The following SNRPN variants were observed in gnomAD, a reference collection of about 807,000 sequenced individuals.
SNRPN encodes the protein small nuclear ribonucleoprotein polypeptide N, also known as small nuclear ribonucleoprotein-associated protein N.
In SNRPN, 7 loss-of-function variants were observed where a neutral mutation model predicts 25.2. That is an observed-to-expected ratio of 0.28 (90% CI 0.16 to 0.52). SNRPN has a LOEUF of 0.52. Among genes scored for constraint, SNRPN ranks in the 20% least tolerant of loss-of-function variants. The probability of loss-of-function intolerance (pLI) is 0.96; values close to 1 mark genes in which losing one functional copy is unlikely to be tolerated. For missense variants in SNRPN, 196 were observed against 322.5 expected (o/e 0.61, Z 3.00); for synonymous variants, 124 against 110.6 (o/e 1.12, Z -0.76).
At chr15:24,972,178 C>T (rs1166327441) in intron 3 of SNRPN, among the ~76,000 whole-genome samples, 41 of 151,680 alleles carry the variant, frequency 2.7e-4, no homozygotes, top group Non-Finnish European at 1.2e-4. Flanking sequence ...ACCACTTGAA[C>T]CCGGGAAGTG....
At chr15:24,856,979 C>T (rs57935503) in intron 1 of SNRPN, among the ~76,000 whole-genome samples, 2,465 of 152,184 alleles carry the variant, frequency 0.016, 52 homozygotes, top group African/African-American at 0.048. Context: ...TTAGGAAAAG[C>T]AGATGTCACG....
chr15:24,916,656 A>T lies in SNRPN; in HGVS notation c.-504-3355A>T, dbSNP rs144982839. ...TGTGTACATGGATTATAGGTAGATC[A>T]TATAATGGTAACAGTATTAAATTAG... is the stretch of plus-strand genomic sequence containing the variant. On this transcript the variant is annotated intron_variant, in intron 2 of 11. Transcript: ENST00000400097. Among the ~76,000 whole-genome samples, 7 of 152,354 alleles carry T rather than the reference A, an allele frequency of 4.6e-5. No homozygotes were observed. In the East Asian group the frequency reaches 1.4e-3, roughly 29 times the overall value.
At chr15:24,877,673 CACACACACACACACACACACACAA>C (rs1324421178) in intron 1 of SNRPN, among the ~76,000 whole-genome samples, 5 of 147,666 alleles carry the variant, frequency 3.4e-5, no homozygotes, top group Non-Finnish European at 7.6e-5. Flanking sequence ...CACACACACA[CACACACACACACACACACACACAA>C]ACACACTAGC....
At chr15:24,887,466 T>C (rs1361042162) in intron 2 of SNRPN, among the ~76,000 whole-genome samples, 1 of 150,952 alleles carries the variant, frequency 6.6e-6, no homozygotes, top group African/African-American at 2.4e-5. Context: ...GTCTTAATGC[T>C]GAGTTGAACT....
At chr15:24,943,580 G>A (rs983282031) in intron 3 of SNRPN, among the ~76,000 whole-genome samples, 4 of 152,082 alleles carry the variant, frequency 2.6e-5, no homozygotes, top group African/African-American at 9.7e-5. Flanking sequence ...AGTTCATGAA[G>A]GGCAGCTTAG....
intron 2 of SNRPN, among the ~76,000 whole-genome samples, chr15:24,845,895 C>T (rs2052154217): frequency 6.6e-6 from 1 of 151,660 alleles, no homozygotes; most frequent in Admixed American, 6.6e-5. Flanking sequence ...CCAGCCTGAC[C>T]AAGGCATGGT....
chr15:24,835,106 ACTATATAT>A (rs1189825096), intron 2 of SNRPN, among the ~76,000 whole-genome samples: 1,255 of 20,660 alleles, frequency 0.061, 240 homozygotes, highest in African/African-American at 0.19. Context: ...AGATATATAT[ACTATATAT>A]CTATATATAA....
rs1555404319 is a variant in SNRPN, at chr15:24,956,354, C to CGGGCG, written c.-391+1295_-391+1296insCGGGG. 5.1e-5 allele frequency among the ~76,000 whole-genome samples: 7 copies of CGGGCG among 138,158 alleles called. 1 individual carries two copies. The highest frequency in any genetic ancestry group is 2.5e-4 in the East Asian group (1 of 4,062). 90.6% of individuals were successfully genotyped at this position (138,158 alleles called of 152,430 possible). On this transcript the variant is annotated intron_variant, in intron 1 of 9. Coordinates refer to ENST00000390687, the MANE Select transcript of SNRPN (RefSeq NM_003097.6). Reference sequence around the variant, plus strand: ...GCTTAGATCTGCGCAAGCGCTTCAGCGGGGGGGTGGCCGCTTCCTCCCTGT... The same window carrying CGGGCG: ...GCTTAGATCTGCGCAAGCGCTTCAGCGGGCGGGGGGGGTGGCCGCTTCCTCCCTGT...
chr15:24,918,420 G>GTA (rs58843364), intron 2 of SNRPN, among the ~76,000 whole-genome samples: 1,949 of 32,936 alleles, frequency 0.059, 185 homozygotes, highest in East Asian at 0.079. Flanking sequence ...ATATATATGT[G>GTA]TATATATAAC....
Position 24,918,446 on chromosome 15 carries a change from A to G in SNRPN, c.-504-1565A>G, listed in dbSNP as rs375023971. 2.1e-3 allele frequency among the ~76,000 whole-genome samples: 231 copies of G among 110,154 alleles called. 3 individuals carry two copies. The highest frequency in any genetic ancestry group is 3.4e-3 in the East Asian group (10 of 2,950). The allele number at this position is 110,154 out of a possible 152,430, so 72.3% of individuals were successfully genotyped here. On this transcript the variant is annotated intron_variant, in intron 2 of 11. Transcript: ENST00000400097. ...TATATATAACATAATATATATGTGT[A>G]TATATATAACATAATATATATGTGT...
At chr15:24,840,129 G>A (rs770154091) in intron 2 of SNRPN, among the ~76,000 whole-genome samples, 15 of 152,114 alleles carry the variant, frequency 9.9e-5, no homozygotes, top group Admixed American at 2.0e-4. Context: ...AGGCCAAGGC[G>A]GGTGGATCAC....
At chr15:24,951,098 T>G (rs931574503), upstream of SNRPN, among the ~76,000 whole-genome samples, 3 of 152,100 alleles carry the variant, frequency 2.0e-5, no homozygotes, top group African/African-American at 7.2e-5. Flanking sequence ...TGATCTCAGG[T>G]GATCCACCTG....
At chr15:24,966,522 G>T (rs2075663386) in intron 2 of SNRPN, among the ~76,000 whole-genome samples, 2 of 151,982 alleles carry the variant, frequency 1.3e-5, no homozygotes, top group Admixed American at 6.6e-5. Flanking sequence ...CTCCCAGGAG[G>T]GCTTGCTCAA....
At chr15:24,878,161 CT>C (rs1029403437) in intron 1 of SNRPN, among the ~76,000 whole-genome samples, 2 of 152,184 alleles carry the variant, frequency 1.3e-5, no homozygotes, top group African/African-American at 4.8e-5. Context: ...AGGTTAAAGC[CT>C]TGTTAAGTTA....
intron 1 of SNRPN, among the ~76,000 whole-genome samples, chr15:24,883,597 C>G (rs1371810045): frequency 6.6e-6 from 1 of 152,238 alleles, no homozygotes; most frequent in Non-Finnish European, 1.5e-5. Context: ...TACACTCTAT[C>G]ATTTCAGATA....
At chr15:24,968,226 T>A in intron 3 of SNRPN, 144 bp downstream of exon 3, 1 of 585,242 alleles carries the variant, frequency 1.7e-6, no homozygotes, top group Non-Finnish European at 3.0e-6. Context: ...TTAGAAAGTT[T>A]TGCAGGACCT....
At chr15:24,872,871 CAAAAAAAAAAAAAAA>C (rs202062268) in intron 1 of SNRPN, among the ~76,000 whole-genome samples, 20,466 of 59,582 alleles carry the variant, frequency 0.34, 6,659 homozygotes, top group East Asian at 0.85. Flanking sequence ...GACTCCGTCT[CAAAAAAAAAAAAAAA>C]AAAAAAAAAA....
chr15:24,875,900 A>T (rs2055811260), intron 1 of SNRPN, among the ~76,000 whole-genome samples: 1 of 151,972 alleles, frequency 6.6e-6, no homozygotes, highest in Admixed American at 6.6e-5. Context: ...CCAAAAATAC[A>T]AAAACTAGCC....
At chr15:24,941,064 C>G (rs1402960511) in intron 3 of SNRPN, among the ~76,000 whole-genome samples, 1 of 152,192 alleles carries the variant, frequency 6.6e-6, no homozygotes, top group African/African-American at 2.4e-5. Flanking sequence ...GCAACCTTCG[C>G]CTCCCAGGTT....
Sources: gnomAD v4.1 joint callset for allele counts (sites outside exome capture counted in the v4.1 genomes callset) on GRCh38, gnomAD v4.1.1 for gene constraint, MANE v1.5 for transcripts, NCBI Gene and HGNC (gene_info 2026-07-23, HGNC 2026-07-21) for gene names.